GRM7: variants seen among roughly 807,000 people sequenced by gnomAD.
The protein encoded by GRM7 is glutamate metabotropic receptor 7, also known as metabotropic glutamate receptor 7.
GRM7 carries 35 observed loss-of-function variants against 84.5 expected under a neutral mutation model. That is an observed-to-expected ratio of 0.41 (90% CI 0.32 to 0.55). The LOEUF is 0.55. Ranked by LOEUF, GRM7 falls within the 20% of genes least tolerant of loss-of-function variation. GRM7 has a pLI of 0.19. For synonymous variants in GRM7, 487 were observed against 455.1 expected, an observed-to-expected ratio of 1.07 and a Z score of -0.89; for missense variants, 1,003 against 1,194.6, an observed-to-expected ratio of 0.84 and a Z score of 2.36.
At chr3:7,628,275 A>C (rs1022637781) in intron 8 of GRM7, among the ~76,000 whole-genome samples, 3 of 152,152 alleles carry the variant, frequency 2.0e-5, no homozygotes, top group Non-Finnish European at 2.9e-5. Context: ...CAGCCTGGGG[A>C]GTGCAGCACT....
intron 1 of GRM7, among the ~76,000 whole-genome samples, chr3:7,116,593 C>T (rs116776610): frequency 6.6e-5 from 10 of 152,096 alleles, no homozygotes; most frequent in African/African-American, 2.4e-4. Context: ...GATTACTTTA[C>T]TGTTATAAGA....
At chr3:7,574,116 AT>A (rs200391753) in intron 7 of GRM7, among the ~76,000 whole-genome samples, 9 of 138,362 alleles carry the variant, frequency 6.5e-5, no homozygotes, top group Non-Finnish European at 1.4e-4. Flanking sequence ...TATTTTTATT[AT>A]TTTTTTGCCA....
Position 7,151,323 on chromosome 3 carries a change from C to T in GRM7, c.736+4655C>T, listed in dbSNP as rs948592022. ...TGGCGAGGCTGAGGCGGGAGAACTG[C>T]TTGAACCCAGGAGGCGGAGGTTGCA... On this transcript the variant is annotated intron_variant, in intron 2 of 9. Transcript: ENST00000357716. The surrounding 1 kb of genome is among the most constrained non-coding windows in gnomAD (Gnocchi z 4.5). Among the ~76,000 whole-genome samples, 1 of 152,122 alleles carries T rather than the reference C, an allele frequency of 6.6e-6. No individual in the cohort carries two copies. Among genetic ancestry groups the T allele is most frequent in the Non-Finnish European group, 1.5e-5 (1 of 68,030 alleles).
intron 7 of GRM7, among the ~76,000 whole-genome samples, chr3:7,529,751 T>G (rs572305491): frequency 6.6e-6 from 1 of 152,104 alleles, no homozygotes; most frequent in African/African-American, 2.4e-5. Context: ...ATCAAACCCT[T>G]GATCCTGGTA....
At chr3:6,872,126 C>T (rs1695142151) in intron 1 of GRM7, among the ~76,000 whole-genome samples, 1 of 152,028 alleles carries the variant, frequency 6.6e-6, no homozygotes, top group African/African-American at 2.4e-5. Context: ...ATGAAAGATC[C>T]ACTAGTTTGT....
intron 4 of GRM7, among the ~76,000 whole-genome samples, chr3:7,397,518 T>C (rs1695260667): frequency 6.6e-6 from 1 of 152,260 alleles, no homozygotes; most frequent in African/African-American, 2.4e-5. Flanking sequence ...AGTTAATAAT[T>C]TGTTGTATAT....
Position 7,740,684 on chromosome 3 carries a change from T to C in GRM7, c.*278T>C, listed in dbSNP as rs9826579. ...GAGTGTTGAAACTCAAGTCCCGCCC[T>C]GGCTCTTTAGAATGGACCACTGAGA... On this transcript the variant is annotated 3_prime_UTR_variant, in exon 10 of 10. Transcript: ENST00000357716. 95,431 of 318,020 alleles carry C rather than the reference T, an allele frequency of 0.3. 17,287 individuals carry two copies. The highest frequency in any genetic ancestry group is 0.61 in the African/African-American group (28,188 of 46,438). The allele number at this position is 318,020 out of a possible 1,614,324, so 19.7% of individuals were successfully genotyped here.
intron 8 of GRM7, among the ~76,000 whole-genome samples, chr3:7,676,499 C>A (rs1243515371): frequency 6.6e-6 from 1 of 151,866 alleles, no homozygotes; most frequent in Non-Finnish European, 1.5e-5. Flanking sequence ...ACTCTGTCTC[C>A]CAGGCTGGGA....
At chr3:7,268,514 T>A (rs1379772000) in intron 2 of GRM7, among the ~76,000 whole-genome samples, 1 of 152,096 alleles carries the variant, frequency 6.6e-6, no homozygotes, top group Non-Finnish European at 1.5e-5. Flanking sequence ...AATGGATGTG[T>A]CAATAGATAA....
chr3:6,946,923 A>C (rs2125063774), intron 1 of GRM7, among the ~76,000 whole-genome samples: 1 of 152,296 alleles, frequency 6.6e-6, no homozygotes, highest in South Asian at 2.1e-4. Flanking sequence ...ACTTTGCTGA[A>C]GTTGCTTATC....
intron 1 of GRM7, among the ~76,000 whole-genome samples, chr3:6,987,538 A>G (rs1694463057): frequency 6.6e-6 from 1 of 152,180 alleles, no homozygotes; most frequent in African/African-American, 2.4e-5. Context: ...CACAGGTAAG[A>G]GCAAGTGCAA....
chr3:6,865,967 A>G (rs1311206049), intron 1 of GRM7, among the ~76,000 whole-genome samples: 1 of 152,194 alleles, frequency 6.6e-6, no homozygotes, highest in Non-Finnish European at 1.5e-5. Flanking sequence ...TACCTAACAG[A>G]TGGTGAGTGG....
chr3:7,177,117 T>A (rs915249861), intron 2 of GRM7, among the ~76,000 whole-genome samples: 24 of 138,698 alleles, frequency 1.7e-4, no homozygotes, highest in Non-Finnish European at 1.9e-4. Context: ...TGATCCTAAC[T>A]CTGCCTTTTT....
Position 7,176,123 on chromosome 3 carries a change from C to T in GRM7, c.736+29455C>T, listed in dbSNP as rs74903342. Among the ~76,000 whole-genome samples, 189 of 149,118 alleles carry T rather than the reference C, an allele frequency of 1.3e-3. 3 individuals are homozygous for T. In the East Asian group the frequency reaches 0.016, roughly 12 times the overall value. ...CTACGTTTACATTTGTAGAATAGGC[C>T]AAGGAAACATGTTCATGCCTATAAG... is the stretch of plus-strand genomic sequence containing the variant. On this transcript the variant is annotated intron_variant, in intron 2 of 9. Coordinates refer to ENST00000357716, the MANE Select transcript of GRM7 (RefSeq NM_000844.4).
intron 1 of GRM7, among the ~76,000 whole-genome samples, chr3:6,960,700 A>G (rs1236832475): frequency 6.6e-6 from 1 of 152,006 alleles, no homozygotes; most frequent in African/African-American, 2.4e-5. Context: ...ATTTTCTCTT[A>G]TTGTTTTCTT....
chr3:7,648,663 A>G (rs111324905), intron 8 of GRM7, among the ~76,000 whole-genome samples: 8,224 of 151,744 alleles, frequency 0.054, 291 homozygotes, highest in South Asian at 0.13. Context: ...AGAAAAAAAA[A>G]AAAAGGATCA....
chr3:6,961,215 C>G (rs1023828844), intron 1 of GRM7, among the ~76,000 whole-genome samples: 1 of 152,162 alleles, frequency 6.6e-6, no homozygotes, highest in African/African-American at 2.4e-5. Context: ...ATCTTGTGTT[C>G]TCACAGCCAC....
At chr3:7,038,064 A>C (rs186337896) in intron 1 of GRM7, among the ~76,000 whole-genome samples, 2 of 152,284 alleles carry the variant, frequency 1.3e-5, no homozygotes, top group African/African-American at 4.8e-5. Flanking sequence ...AAATGAATAA[A>C]AGTTTTCTTC....
At position 7,082,909 on chromosome 3, in the gene GRM7, CTT is replaced by C. The variant is rs1698318826; in HGVS notation, c.520-63542_520-63541del. On this transcript the variant is annotated intron_variant, in intron 1 of 9. Transcript: ENST00000357716. ...TTCTTTGCTGCAATCTCATAATAAA[CTT>C]GAATGAACGAGGAATTGCTTCTTAT... Among the ~76,000 whole-genome samples, 3 of 152,224 alleles carry C rather than the reference CTT, an allele frequency of 2.0e-5. No homozygotes were observed. In the South Asian group the frequency reaches 6.2e-4, roughly 32 times the overall value.
Sources: allele counts gnomAD v4.1 joint callset (sites outside exome capture counted in the v4.1 genomes callset), GRCh38; gene constraint gnomAD v4.1.1; non-coding constraint Gnocchi (gnomAD v3.1); transcripts MANE v1.5; gene names NCBI Gene and HGNC (gene_info 2026-07-23, HGNC 2026-07-21).